RANBP2: variants seen among roughly 807,000 people sequenced by gnomAD.
The protein encoded by RANBP2 is RAN binding protein 2, also known as E3 SUMO-protein ligase RanBP2.
Under a neutral mutation model 303.6 loss-of-function variants are expected in RANBP2, and 57 were observed. The observed-to-expected ratio is 0.19, with a 90% confidence interval of 0.15 to 0.23. RANBP2 has a LOEUF of 0.23. RANBP2 is among the 10% of genes least tolerant of loss of function. The probability of loss-of-function intolerance (pLI) is 1.00; values close to 1 mark genes in which losing one functional copy is unlikely to be tolerated. For missense variants in RANBP2, 3,138 were observed against 3,780.8 expected (o/e 0.83, Z 4.46); for synonymous variants, 1,167 against 1,301.5 (o/e 0.90, Z 2.23).
chr2:108,900,484 G>T, the RANBP2 span, among the ~76,000 whole-genome samples: 3 of 151,564 alleles, frequency 2.0e-5, no homozygotes, highest in Admixed American at 6.6e-5. Flanking sequence ...AACCTGGGAG[G>T]CAGAGGTTGC....
At chr2:108,721,506 TCTCGA>T (rs532995759) in intron 1 of RANBP2, among the ~76,000 whole-genome samples, 16 of 152,292 alleles carry the variant, frequency 1.1e-4, no homozygotes, top group Non-Finnish European at 1.9e-4. Context: ...AGTGGCGCTA[TCTCGA>T]CTCACTGCAC....
the RANBP2 span, among the ~76,000 whole-genome samples, chr2:109,212,497 G>T: frequency 6.6e-6 from 1 of 152,184 alleles, no homozygotes; most frequent in Non-Finnish European, 1.5e-5. Flanking sequence ...GAGGCTTTCC[G>T]ACAGCTCCAG....
the RANBP2 span, among the ~76,000 whole-genome samples, chr2:109,226,106 T>G: frequency 2.6e-5 from 4 of 152,214 alleles, no homozygotes; most frequent in Non-Finnish European, 1.5e-5. Context: ...GCTAAATCAC[T>G]TGTTAATTTT....
the RANBP2 span, among the ~76,000 whole-genome samples, chr2:109,401,348 C>T: frequency 6.6e-6 from 1 of 152,204 alleles, no homozygotes; most frequent in Non-Finnish European, 1.5e-5. Context: ...TGAGGAGCAG[C>T]GGCCTGGCCC....
the RANBP2 span, among the ~76,000 whole-genome samples, chr2:108,894,204 G>A: frequency 1.3e-5 from 2 of 152,194 alleles, no homozygotes; most frequent in African/African-American, 4.8e-5. Context: ...ATAGATAAGT[G>A]ATACAATGCC....
chr2:108,771,911 A>G, intron 21 of RANBP2, 40 bp downstream of exon 21: 1 of 1,611,958 alleles, frequency 6.2e-7, no homozygotes, highest in Non-Finnish European at 8.5e-7. Flanking sequence ...TGTTCCCGCT[A>G]ATCTTAGTAA....
chr2:108,860,325 A>C, the RANBP2 span, among the ~76,000 whole-genome samples: 1 of 151,810 alleles, frequency 6.6e-6, no homozygotes, highest in African/African-American at 2.4e-5. Flanking sequence ...GATGCCTTTT[A>C]TTTCTTTCTC....
the RANBP2 span, among the ~76,000 whole-genome samples, chr2:109,289,490 T>C: frequency 2.0e-5 from 3 of 152,224 alleles, no homozygotes; most frequent in Admixed American, 6.5e-5. Context: ...GCTGCTCTTA[T>C]ACGCACTCTT....
the RANBP2 span, among the ~76,000 whole-genome samples, chr2:108,960,447 G>C: frequency 6.6e-6 from 1 of 152,220 alleles, no homozygotes; most frequent in East Asian, 1.9e-4. Flanking sequence ...GAATTTCTCA[G>C]ATCAGGCAAA....
At chr2:108,858,110 G>A in the RANBP2 span, among the ~76,000 whole-genome samples, 4 of 152,306 alleles carry the variant, frequency 2.6e-5, no homozygotes, top group East Asian at 3.9e-4. Flanking sequence ...TTGGGAGGCC[G>A]AGGCGGGCAG....
chr2:109,217,661 A>G, the RANBP2 span, among the ~76,000 whole-genome samples: 1 of 152,228 alleles, frequency 6.6e-6, no homozygotes, highest in Non-Finnish European at 1.5e-5. Flanking sequence ...GAGATGAGGA[A>G]GCTCTCTCAC....
the RANBP2 span, among the ~76,000 whole-genome samples, chr2:109,447,670 G>A: frequency 2.0e-5 from 3 of 152,280 alleles, no homozygotes; most frequent in South Asian, 2.1e-4. Flanking sequence ...CCCTGGGGCC[G>A]TTCATTCTCT....
chr2:108,948,250 T>C, the RANBP2 span, among the ~76,000 whole-genome samples: 1 of 152,232 alleles, frequency 6.6e-6, no homozygotes, highest in Non-Finnish European at 1.5e-5. Flanking sequence ...CTGGACTTCA[T>C]TGTCCATATC....
the RANBP2 span, among the ~76,000 whole-genome samples, chr2:109,575,332 C>T: frequency 6.6e-6 from 1 of 152,206 alleles, no homozygotes; most frequent in African/African-American, 2.4e-5. Flanking sequence ...AAGTCCATGA[C>T]TCTTTGCCTC....
the RANBP2 span, among the ~76,000 whole-genome samples, chr2:109,056,623 A>T: frequency 6.6e-6 from 1 of 152,218 alleles, no homozygotes; most frequent in South Asian, 2.1e-4. Context: ...GGATTATAAG[A>T]TGGCTTTTCG....
chr2:109,425,739 G>A, the RANBP2 span, among the ~76,000 whole-genome samples: 2 of 152,202 alleles, frequency 1.3e-5, no homozygotes, highest in African/African-American at 4.8e-5. Flanking sequence ...CTCATTGCCA[G>A]TGTACTTGGT....
chr2:109,321,793 C>T, the RANBP2 span, among the ~76,000 whole-genome samples: 5 of 152,302 alleles, frequency 3.3e-5, no homozygotes, highest in East Asian at 1.9e-4. Context: ...GATGTGTTCG[C>T]GAGGGATTGG....
At chr2:109,501,962 G>C in the RANBP2 span, 1 of 363,578 alleles carries the variant, frequency 2.8e-6, no homozygotes, top group Non-Finnish European at 5.1e-6. Context: ...GCGCAGGCAG[G>C]CCTGTGGCTG....
chr2:109,742,629 A>G, the RANBP2 span, among the ~76,000 whole-genome samples: 1 of 146,572 alleles, frequency 6.8e-6, no homozygotes, highest in East Asian at 1.9e-4. Flanking sequence ...TACAATCCTA[A>G]TAAAAATCTC....
Sources: allele counts gnomAD v4.1 joint callset (sites outside exome capture counted in the v4.1 genomes callset), GRCh38; gene constraint gnomAD v4.1.1; transcripts MANE v1.5; gene names NCBI Gene and HGNC (gene_info 2026-07-23, HGNC 2026-07-21).